Variants in PTPRD observed in about 807,000 individuals in gnomAD.
The protein encoded by PTPRD is protein tyrosine phosphatase receptor type D, also known as receptor-type tyrosine-protein phosphatase delta.
Under a neutral mutation model 214.5 loss-of-function variants are expected in PTPRD, and 34 were observed. The observed-to-expected ratio is 0.16, with a 90% confidence interval of 0.12 to 0.21. The LOEUF (loss-of-function observed/expected upper bound fraction) is 0.21. Among genes scored for constraint, PTPRD ranks in the 10% least tolerant of loss-of-function variants. PTPRD has a pLI of 1.00. For missense variants in PTPRD, 2,545 were observed against 2,398.7 expected (o/e 1.06, Z -1.27); for synonymous variants, 1,128 against 845.7 (o/e 1.33, Z -5.79).
At chr9:9,003,606 T>C (rs555501874) in intron 11 of PTPRD, among the ~76,000 whole-genome samples, 4 of 152,192 alleles carry the variant, frequency 2.6e-5, no homozygotes, top group Non-Finnish European at 5.9e-5. Flanking sequence ...CATCTAACTC[T>C]AGCATAAAGG....
At chr9:9,140,378 C>T (rs2099858113) in intron 10 of PTPRD, among the ~76,000 whole-genome samples, 3 of 151,946 alleles carry the variant, frequency 2.0e-5, no homozygotes, top group Middle Eastern at 3.2e-3. Flanking sequence ...TTTTTTTATA[C>T]TTGTCTTCTT....
At chr9:8,776,521 C>T (rs2095481720) in intron 11 of PTPRD, among the ~76,000 whole-genome samples, 1 of 85,648 alleles carries the variant, frequency 1.2e-5, no homozygotes, top group Middle Eastern at 7.0e-3. Context: ...CGGTCTCGAA[C>T]TCCTGGGCTC....
intron 5 of PTPRD, among the ~76,000 whole-genome samples, chr9:9,795,901 G>C (rs1241857548): frequency 1.3e-5 from 2 of 151,898 alleles, no homozygotes; most frequent in African/African-American, 4.8e-5. Flanking sequence ...AAAATAAAAA[G>C]TACATTTCTA....
chr9:9,354,383 T>C (rs776864202), intron 9 of PTPRD, among the ~76,000 whole-genome samples: 9 of 151,872 alleles, frequency 5.9e-5, no homozygotes, highest in Non-Finnish European at 1.3e-4. Flanking sequence ...TATACACTTT[T>C]GCAGCTTTTA....
chr9:9,529,224 G>T (rs894989378), intron 8 of PTPRD, among the ~76,000 whole-genome samples: 1 of 149,372 alleles, frequency 6.7e-6, no homozygotes, highest in Admixed American at 6.7e-5. Context: ...GAGCCACCAC[G>T]CCCACCGAAT....
At chr9:9,059,933 A>G (rs1445201414) in intron 10 of PTPRD, among the ~76,000 whole-genome samples, 1 of 152,178 alleles carries the variant, frequency 6.6e-6, no homozygotes, top group Non-Finnish European at 1.5e-5. Flanking sequence ...CCCCATATTT[A>G]TCAGTGGAAA....
At chr9:10,327,169 GTGTA>G (rs1267735608) in intron 3 of PTPRD, among the ~76,000 whole-genome samples, 9 of 87,272 alleles carry the variant, frequency 1.0e-4, no homozygotes, top group Non-Finnish European at 1.5e-4. Context: ...ATATATGTGT[GTGTA>G]TATATATATA....
chr9:9,824,922 G>C (rs2052173898), intron 5 of PTPRD, among the ~76,000 whole-genome samples: 2 of 152,116 alleles, frequency 1.3e-5, no homozygotes, highest in South Asian at 2.1e-4. Context: ...AGCATATAAA[G>C]TGGGCTCTGG....
At chr9:10,569,476 A>T (rs537668089) in intron 2 of PTPRD, among the ~76,000 whole-genome samples, 1 of 151,980 alleles carries the variant, frequency 6.6e-6, no homozygotes, top group East Asian at 1.9e-4. Flanking sequence ...AGTTACTAAA[A>T]TTCATCCTGT....
intron 4 of PTPRD, among the ~76,000 whole-genome samples, chr9:9,943,031 G>A (rs1317378230): frequency 6.6e-6 from 1 of 151,904 alleles, no homozygotes; most frequent in Non-Finnish European, 1.5e-5. Flanking sequence ...ACTAACTCGG[G>A]GCAAAAGCTG....
At chr9:8,803,460 A>T (rs905852990) in intron 11 of PTPRD, among the ~76,000 whole-genome samples, 13 of 152,196 alleles carry the variant, frequency 8.5e-5, no homozygotes, top group Non-Finnish European at 2.9e-5. Context: ...AGATCCTTTT[A>T]GCAATGATAT....
chr9:9,710,910 G>A (rs563385095), intron 7 of PTPRD, among the ~76,000 whole-genome samples: 2 of 152,104 alleles, frequency 1.3e-5, no homozygotes, highest in African/African-American at 2.4e-5. Context: ...GAATTTGCAT[G>A]TTCTCTCCAG....
intron 5 of PTPRD, among the ~76,000 whole-genome samples, chr9:9,769,615 C>T (rs1041364410): frequency 1.3e-5 from 2 of 151,474 alleles, no homozygotes; most frequent in South Asian, 2.1e-4. Flanking sequence ...CTTGAGCCAC[C>T]GTGCCCGGCC....
intron 3 of PTPRD, among the ~76,000 whole-genome samples, chr9:10,259,240 G>A (rs1346990482): frequency 2.6e-5 from 4 of 152,054 alleles, no homozygotes; most frequent in Non-Finnish European, 4.4e-5. Context: ...TAGTCAGGAT[G>A]GTCTCTATCT....
chr9:9,995,532 C>G lies in PTPRD; in HGVS notation c.-472+38186G>C, dbSNP rs1453583347. ...GATCCATTCTCCCTTTTCTCCACCC[C>G]ACTCTGTATCCTGAGATTGCTGGGC... On this transcript the variant is annotated intron_variant, in intron 4 of 45. Coordinates refer to ENST00000381196, the MANE Select transcript of PTPRD (RefSeq NM_002839.4). 2.6e-5 allele frequency among the ~76,000 whole-genome samples: 4 copies of G among 152,276 alleles called. No homozygotes were observed. The East Asian group carries it at 5.8e-4, about 22-fold the overall frequency.
At chr9:10,085,332 G>A (rs933037748) in intron 3 of PTPRD, among the ~76,000 whole-genome samples, 1 of 151,730 alleles carries the variant, frequency 6.6e-6, no homozygotes, top group African/African-American at 2.4e-5. Context: ...TTGACATCAT[G>A]GTGAACCTGG....
chr9:9,242,811 T>C (rs1465479615), intron 9 of PTPRD, among the ~76,000 whole-genome samples: 4 of 152,166 alleles, frequency 2.6e-5, no homozygotes, highest in Non-Finnish European at 5.9e-5. Flanking sequence ...CTGAGAATTT[T>C]GATCATCTGC....
chr9:8,511,442 T>A (rs1002576815), intron 21 of PTPRD, among the ~76,000 whole-genome samples: 5 of 152,044 alleles, frequency 3.3e-5, no homozygotes, highest in Non-Finnish European at 7.4e-5. Context: ...TTTTTTTTTT[T>A]AACCTTCACT....
chr9:9,966,111 C>G (rs1205268891), intron 4 of PTPRD, among the ~76,000 whole-genome samples: 2 of 151,804 alleles, frequency 1.3e-5, no homozygotes, highest in African/African-American at 2.4e-5. Context: ...ACTCTACTGG[C>G]TTTCGGTTTT....
Sources: gnomAD v4.1 joint callset for allele counts (sites outside exome capture counted in the v4.1 genomes callset) on GRCh38, gnomAD v4.1.1 for gene constraint, MANE v1.5 for transcripts, NCBI Gene and HGNC (gene_info 2026-07-23, HGNC 2026-07-21) for gene names.